RXRA: variants seen among roughly 807,000 people sequenced by gnomAD.
RXRA encodes the protein retinoid X receptor alpha, also known as retinoic acid receptor RXR-alpha.
Under a neutral mutation model 44.5 loss-of-function variants are expected in RXRA, and 5 were observed. That is an observed-to-expected ratio of 0.11 (90% confidence interval 0.06 to 0.24). The LOEUF (loss-of-function observed/expected upper bound fraction) is 0.24, where lower values mean the gene tolerates loss of function less well. Ranked by LOEUF, RXRA falls within the 10% of genes least tolerant of loss-of-function variation. The pLI, the probability that RXRA is intolerant of heterozygous loss-of-function variation, is 1.00. For synonymous variants in RXRA, 291 were observed against 271.4 expected, an observed-to-expected ratio of 1.07 and a Z score of -0.71; for missense variants, 412 against 646.5, an observed-to-expected ratio of 0.64 and a Z score of 3.93.
At chr9:134,390,623 C>G (rs945925027) in intron 1 of RXRA, among the ~76,000 whole-genome samples, 7 of 152,202 alleles carry the variant, frequency 4.6e-5, no homozygotes, top group Admixed American at 2.6e-4. Context: ...AGAGGCAACT[C>G]TGGGTGCAGT....
At chr9:134,370,453 C>T (rs982508985) in intron 1 of RXRA, among the ~76,000 whole-genome samples, 3 of 152,330 alleles carry the variant, frequency 2.0e-5, no homozygotes, top group South Asian at 2.1e-4. Context: ...CTTATTTGTG[C>T]GCTGGTTTAC....
intron 1 of RXRA, among the ~76,000 whole-genome samples, chr9:134,368,873 TTA>T (rs535889091): frequency 4.3e-5 from 6 of 138,810 alleles, no homozygotes; most frequent in South Asian, 2.4e-4. Flanking sequence ...AGTGCAGGGG[TTA>T]TGTGTGTGAG....
At chr9:134,414,250 C>G (rs909309145) in intron 4 of RXRA, among the ~76,000 whole-genome samples, 9 of 152,290 alleles carry the variant, frequency 5.9e-5, no homozygotes, top group African/African-American at 2.2e-4. Flanking sequence ...AGGAGCCCAG[C>G]TCCAGGCACC....
rs1831062342 is a variant in RXRA, at chr9:134,407,021, G to T, written c.280-1128G>T. ...CCCACTGTGCTGAGTTGTCACGGGG[G>T]ACCTCCTGGCCTCTCGCAGCCCACC... is the stretch of plus-strand genomic sequence containing the variant. On this transcript the variant is annotated intron_variant, in intron 2 of 9. Transcript: ENST00000481739. This position sits in a 1 kb window ranked among gnomAD's most constrained non-coding sequence, Gnocchi z 4.8. Among the ~76,000 whole-genome samples the T allele has an allele frequency of 6.6e-6, 1 of 152,188 alleles. No individual in the cohort carries two copies. Among genetic ancestry groups the T allele is most frequent in the African/African-American group, 2.4e-5 (1 of 41,438 alleles).
At chr9:134,331,464 T>A (rs527658893) in intron 1 of RXRA, among the ~76,000 whole-genome samples, 182 of 152,346 alleles carry the variant, frequency 1.2e-3, no homozygotes, top group African/African-American at 4.2e-3. Context: ...GGCTCTCACC[T>A]GGCGCTGTTG....
At chr9:134,376,083 A>C (rs1830553008) in intron 1 of RXRA, among the ~76,000 whole-genome samples, 1 of 151,758 alleles carries the variant, frequency 6.6e-6, no homozygotes, top group Non-Finnish European at 1.5e-5. Context: ...TGGAATTCAG[A>C]TTTGTGTTTC....
chr9:134,352,138 T>C (rs1270274993), intron 1 of RXRA, among the ~76,000 whole-genome samples: 1 of 152,088 alleles, frequency 6.6e-6, no homozygotes, highest in Non-Finnish European at 1.5e-5. Context: ...AGGGGAGGGT[T>C]CTGGGCATGG....
chr9:134,369,013 TG>T (rs1231569279), intron 1 of RXRA, among the ~76,000 whole-genome samples: 16 of 26,496 alleles, frequency 6.0e-4, no homozygotes, highest in African/African-American at 5.4e-3. Flanking sequence ...TGTGTGTGTG[TG>T]GGGGGGGTTA....
At chr9:134,410,199 A>G (rs575908681) in intron 4 of RXRA, among the ~76,000 whole-genome samples, 2 of 152,282 alleles carry the variant, frequency 1.3e-5, no homozygotes, top group South Asian at 2.1e-4. Context: ...AGTGTGGTGT[A>G]TGGGCTGGTG....
intron 5 of RXRA, among the ~76,000 whole-genome samples, chr9:134,419,350 C>G (rs1429550506): frequency 1.3e-5 from 2 of 152,218 alleles, no homozygotes; most frequent in Non-Finnish European, 2.9e-5. Context: ...CCGCCACTGC[C>G]TGAAAGTTCA....
intron 1 of RXRA, among the ~76,000 whole-genome samples, chr9:134,346,148 C>G (rs1830148555): frequency 6.6e-6 from 1 of 152,168 alleles, no homozygotes; most frequent in African/African-American, 2.4e-5. Context: ...CTGGCTCATT[C>G]TAAGCACCTG....
Position 134,417,365 on chromosome 9 carries a change from T to TGCCTCAGTTTCCCTCACTCACTC in RXRA, c.780+39_780+61dup. ...CTGTGCAGGGGTGGGCAGCCTCACA[T>TGCCTCAGTTTCCCTCACTCACTC]GCCTCAGTTTCCCTCACTCACTCAC... is the stretch of plus-strand genomic sequence containing the variant. On this transcript the variant is annotated intron_variant, in intron 5 of 9. Transcript: ENST00000481739. This position sits in a 1 kb window ranked among gnomAD's most constrained non-coding sequence, Gnocchi z 6.1. 6.9e-6 allele frequency: 11 copies of TGCCTCAGTTTCCCTCACTCACTC among 1,600,178 alleles called. No individual in the cohort carries two copies. The South Asian group carries it at 1.1e-4, about 16-fold the overall frequency.
chr9:134,434,997 T>TC (rs1409801414), intron 9 of RXRA, among the ~76,000 whole-genome samples: 1 of 152,118 alleles, frequency 6.6e-6, no homozygotes, highest in Non-Finnish European at 1.5e-5. Context: ...AAGTGAAACT[T>TC]CCCGGAGGAC....
At chr9:134,418,506 C>G (rs948788872) in intron 5 of RXRA, among the ~76,000 whole-genome samples, 1 of 152,168 alleles carries the variant, frequency 6.6e-6, no homozygotes, top group African/African-American at 2.4e-5. Context: ...AGCCTGCCCT[C>G]CGTGCTGGGT....
intron 1 of RXRA, among the ~76,000 whole-genome samples, chr9:134,331,821 G>C (rs968615650): frequency 2.0e-5 from 3 of 152,260 alleles, no homozygotes; most frequent in African/African-American, 7.2e-5. Flanking sequence ...TTGAGCTCCA[G>C]CTGGGAGGAC....
rs140282958 is a variant in RXRA at position 134,334,190 on chromosome 9, C to T, written c.28+7531C>T. ...AGCTCTCCACGTGCCAGCCACCCAT[C>T]CAGCCTCTTTTTTCCCAGGCTTCCT... On this transcript the variant is annotated intron_variant, in intron 1 of 9. Transcript: ENST00000481739. Among the ~76,000 whole-genome samples the T allele has an allele frequency of 2.6e-3, 393 of 152,362 alleles. 2 individuals carry two copies. Among genetic ancestry groups the T allele is most frequent in the Admixed American group, 5.2e-3 (80 of 15,312 alleles).
chr9:134,369,844 C>G (rs1830468969), intron 1 of RXRA, among the ~76,000 whole-genome samples: 1 of 152,250 alleles, frequency 6.6e-6, no homozygotes, highest in East Asian at 1.9e-4. Flanking sequence ...TCAAGGCTCA[C>G]TGTAACCTGA....
chr9:134,353,269 G>C (rs935272753), intron 1 of RXRA, among the ~76,000 whole-genome samples: 1 of 152,274 alleles, frequency 6.6e-6, no homozygotes, highest in South Asian at 2.1e-4. Context: ...GGATTTCCTG[G>C]AGTCCTTCTC....
At chr9:134,391,342 G>C (rs1317699404) in intron 1 of RXRA, among the ~76,000 whole-genome samples, 7 of 152,206 alleles carry the variant, frequency 4.6e-5, no homozygotes, top group Non-Finnish European at 1.0e-4. Flanking sequence ...CCTGAGGGTG[G>C]AAAGCCTGGC....
Sources: allele counts gnomAD v4.1 joint callset (sites outside exome capture counted in the v4.1 genomes callset), GRCh38; gene constraint gnomAD v4.1.1; non-coding constraint Gnocchi (gnomAD v3.1); transcripts MANE v1.5; gene names NCBI Gene and HGNC (gene_info 2026-07-23, HGNC 2026-07-21).